EVC: variants seen among roughly 807,000 people sequenced by gnomAD.
The protein encoded by EVC is evC complex member EVC.
A neutral mutation model predicts 118.9 loss-of-function variants in EVC; 116 were observed. The observed-to-expected ratio is 0.98, with a 90% CI of 0.84 to 1.14. The LOEUF is 1.14. Ranked by LOEUF, EVC falls within the 50% of genes most tolerant of loss-of-function variation. The pLI, the probability that EVC is intolerant of heterozygous loss-of-function variation, is 0.00. For synonymous variants in EVC, 619 were observed against 534.7 expected (o/e 1.16, Z -2.18); for missense variants, 1,401 against 1,246.4 (o/e 1.12, Z -1.87).
intron 8 of EVC, 180 bp from the exon 9 acceptor site, chr4:5,752,656 C>G (rs998538306): frequency 2.8e-6 from 2 of 703,972 alleles, no homozygotes; most frequent in African/African-American, 3.5e-5. Flanking sequence ...TAATCCCCAC[C>G]TCGGGGGCAG....
At chr4:5,817,261 G>T (rs1293237471), downstream of EVC, among the ~76,000 whole-genome samples, 4 of 152,226 alleles carry the variant, frequency 2.6e-5, no homozygotes, top group Admixed American at 6.5e-5. Context: ...CCTGCACCGT[G>T]TCGGGGCTCT....
intron 12 of EVC, among the ~76,000 whole-genome samples, chr4:5,788,147 A>C (rs1414866261): frequency 2.0e-5 from 3 of 152,104 alleles, no homozygotes; most frequent in African/African-American, 7.2e-5. Context: ...CACCTGTATT[A>C]GTTTTCTAAT....
At chr4:5,828,573 G>A in the EVC span, 3 of 1,614,074 alleles carry the variant, frequency 1.9e-6, no homozygotes, top group African/African-American at 4.0e-5. Context: ...TGTTGACGTT[G>A]ATGTTTCCGT....
chr4:5,818,785 G>A (rs1718055464), downstream of EVC, among the ~76,000 whole-genome samples: 1 of 152,192 alleles, frequency 6.6e-6, no homozygotes, highest in Non-Finnish European at 1.5e-5. Flanking sequence ...CAGTCTCAAA[G>A]TCTGTAAGAA....
At chr4:5,828,887 A>G in the EVC span, among the ~76,000 whole-genome samples, 4 of 152,178 alleles carry the variant, frequency 2.6e-5, no homozygotes, top group Non-Finnish European at 4.4e-5. Flanking sequence ...GTGGCTTTCT[A>G]TAATCAAATC....
Position 5,735,239 on chromosome 4 carries a change from A to T in EVC, c.702+1804A>T, listed in dbSNP as rs545231478. 2.0e-5 allele frequency among the ~76,000 whole-genome samples: 3 copies of T among 152,298 alleles called. No homozygotes were observed. In the South Asian group the frequency reaches 6.2e-4, roughly 32 times the overall value. The stretch of plus-strand genomic sequence containing the variant: ...AAGGCCTGTGACAAAGCATCATGCG[A>T]GTGTGAAGGGGGCACCTGAGGGAAT... On this transcript the variant is annotated intron_variant, in intron 5 of 20. Transcript: ENST00000264956.
At chr4:5,768,133 T>C (rs1577501069) in intron 11 of EVC, among the ~76,000 whole-genome samples, 1 of 151,694 alleles carries the variant, frequency 6.6e-6, no homozygotes, top group African/African-American at 2.4e-5. Flanking sequence ...GGGAGGAAGG[T>C]AGGGAGAAAG....
chr4:5,729,844 T>A (rs1376263678), intron 3 of EVC, among the ~76,000 whole-genome samples: 1 of 152,154 alleles, frequency 6.6e-6, no homozygotes, highest in African/African-American at 2.4e-5. Context: ...GTCTCCACTT[T>A]ACACGTAAGG....
downstream of EVC, among the ~76,000 whole-genome samples, chr4:5,818,449 C>T (rs931697072): frequency 6.6e-6 from 1 of 152,126 alleles, no homozygotes; most frequent in Non-Finnish European, 1.5e-5. Context: ...TGAAATTGGC[C>T]ATGGCAAGAG....
the EVC span, chr4:5,826,453 G>A: frequency 6.6e-6 from 1 of 152,636 alleles, no homozygotes; most frequent in Non-Finnish European, 1.5e-5. Flanking sequence ...GATGCTGTGG[G>A]GAGGACACCT....
intron 11 of EVC, among the ~76,000 whole-genome samples, chr4:5,773,244 G>A (rs1405292706): frequency 2.0e-5 from 3 of 152,166 alleles, no homozygotes; most frequent in Admixed American, 2.0e-4. Context: ...CAGTCATGCT[G>A]TGTAACAAGA....
Position 5,754,069 on chromosome 4 carries a change from C to G in EVC, c.1464+136C>G. On this transcript the variant is annotated intron_variant, in intron 10 of 20. Transcript: ENST00000264956. The surrounding 1 kb of genome is among the most constrained non-coding windows in gnomAD (Gnocchi z 5.8). ...ACTTCCCATGTGTCAGCCGAGTGACCGAATCTCAGTCCCTTAGCCCCTACA... is the reference window on the plus strand; with the variant it reads ...ACTTCCCATGTGTCAGCCGAGTGACGGAATCTCAGTCCCTTAGCCCCTACA... 8.7e-7 allele frequency: 1 copy of G among 1,145,572 alleles called. No homozygotes were observed. The highest frequency in any genetic ancestry group is 1.3e-6 in the Non-Finnish European group (1 of 780,950). The allele number at this position is 1,145,572 out of a possible 1,614,324, so 71.0% of individuals were successfully genotyped here.
intron 15 of EVC, 86 bp from the exon 16 acceptor site, chr4:5,801,864 G>T: frequency 6.8e-7 from 1 of 1,473,152 alleles, no homozygotes; most frequent in South Asian, 1.2e-5. Flanking sequence ...CTGAACCAGG[G>T]CATGGGGAGG....
downstream of EVC, among the ~76,000 whole-genome samples, chr4:5,815,189 C>T (rs749721763): frequency 6.6e-5 from 10 of 151,816 alleles, no homozygotes; most frequent in Non-Finnish European, 1.0e-4. Flanking sequence ...TCAGTGAACC[C>T]GTGGCTAAGC....
intron 12 of EVC, among the ~76,000 whole-genome samples, chr4:5,784,528 G>A (rs1277931813): frequency 1.3e-5 from 2 of 151,892 alleles, no homozygotes; most frequent in Admixed American, 6.6e-5. Flanking sequence ...CTGTAAGATA[G>A]CAGATTTGTG....
In EVC at chr4:5,718,571, A is replaced by T. The variant is rs1034497733; in HGVS notation, c.175-677A>T. Reference sequence around the variant, plus strand: ...GGATGTTTGTTTACAGCATGAGAGCAGAGACAAGAAGGCAGAGTGCTACTT... The same window carrying T: ...GGATGTTTGTTTACAGCATGAGAGCTGAGACAAGAAGGCAGAGTGCTACTT... On this transcript the variant is annotated intron_variant, in intron 1 of 20. Coordinates refer to ENST00000264956, the MANE Select transcript of EVC (RefSeq NM_153717.3). Among the ~76,000 whole-genome samples, 23 of 152,276 alleles carry T rather than the reference A, an allele frequency of 1.5e-4. 1 individual carries two copies. The highest frequency in any genetic ancestry group is 5.5e-4 in the African/African-American group (23 of 41,562).
chr4:5,771,675 A>C (rs1733985336), intron 11 of EVC, among the ~76,000 whole-genome samples: 1 of 152,194 alleles, frequency 6.6e-6, no homozygotes, highest in Non-Finnish European at 1.5e-5. Context: ...AGATCTTGAG[A>C]GAAAATGACA....
At chr4:5,757,728 C>G (rs961517701) in intron 11 of EVC, among the ~76,000 whole-genome samples, 1 of 152,176 alleles carries the variant, frequency 6.6e-6, no homozygotes, top group African/African-American at 2.4e-5. Context: ...GATTAGGGCC[C>G]CACCCTGATG....
chr4:5,722,369 A>G (rs765959182), intron 2 of EVC, among the ~76,000 whole-genome samples: 4 of 152,214 alleles, frequency 2.6e-5, no homozygotes, highest in Non-Finnish European at 5.9e-5. Flanking sequence ...ATAATTGCCA[A>G]GGGTTAAGTG....
Sources: allele counts gnomAD v4.1 joint callset (sites outside exome capture counted in the v4.1 genomes callset), GRCh38; gene constraint gnomAD v4.1.1; non-coding constraint Gnocchi (gnomAD v3.1); transcripts MANE v1.5; gene names NCBI Gene and HGNC (gene_info 2026-07-23, HGNC 2026-07-21).